Variants in TMEM74 observed in about 807,000 individuals in gnomAD.
TMEM74 encodes transmembrane protein 74.
Under a neutral mutation model 18.1 loss-of-function variants are expected in TMEM74, and 13 were observed. The ratio of observed to expected loss-of-function variants is 0.72; its 90% CI spans 0.47 to 1.14. The LOEUF is 1.14. Ranked by LOEUF, TMEM74 falls within the 50% of genes most tolerant of loss-of-function variation. The probability of loss-of-function intolerance (pLI) is 0.00; values close to 1 mark genes in which losing one functional copy is unlikely to be tolerated. For synonymous variants in TMEM74, 159 were observed against 146.6 expected, an observed-to-expected ratio of 1.08 and a Z score of -0.61; for missense variants, 372 against 375.9, an observed-to-expected ratio of 0.99 and a Z score of 0.09.
chr8:108,623,190 C>T (rs1812460192), intron 2 of TMEM74, among the ~76,000 whole-genome samples: 1 of 152,084 alleles, frequency 6.6e-6, no homozygotes, highest in Non-Finnish European at 1.5e-5. Flanking sequence ...TGTCAAGGCC[C>T]TGTGAGGAGG....
chr8:108,702,343 T>TAAAAAAAAA (rs1242874088), intron 1 of TMEM74, among the ~76,000 whole-genome samples: 1 of 95,096 alleles, frequency 1.1e-5, no homozygotes, highest in Non-Finnish European at 2.0e-5. Context: ...AGACTCCATC[T>TAAAAAAAAA]AAAAAAAAAA....
intron 2 of TMEM74, among the ~76,000 whole-genome samples, chr8:108,615,818 G>GATTTTTT (rs1563732679): frequency 1.0e-5 from 1 of 96,376 alleles, no homozygotes; most frequent in Non-Finnish European, 2.2e-5. Context: ...TTGCATGGGA[G>GATTTTTT]CTTTTTTTTT....
intron 1 of TMEM74, among the ~76,000 whole-genome samples, chr8:108,749,780 G>T (rs1306782351): frequency 1.3e-5 from 2 of 152,106 alleles, no homozygotes; most frequent in South Asian, 4.1e-4. Flanking sequence ...TACATCACAT[G>T]TGCCCATGAT....
intron 1 of TMEM74, among the ~76,000 whole-genome samples, chr8:108,754,663 C>CTAGGTAGCTAGG (rs1225035166): frequency 1.6e-5 from 1 of 63,236 alleles, no homozygotes; most frequent in Non-Finnish European, 3.4e-5. Context: ...AGGTAGGTAG[C>CTAGGTAGCTAGG]TAGGTAGCTA....
chr8:108,737,607 C>T lies in TMEM74; in HGVS notation n.119+49869G>A, dbSNP rs1236179962. On this transcript the variant is annotated intron_variant and non_coding_transcript_variant, in intron 1 of 3. Transcript: ENST00000518838. ...ACAGAAAGACACTAAGTCATACTCA[C>T]CCCTCTGAGACCAGTAGGAACAGTG... is the stretch of plus-strand genomic sequence containing the variant. 2.0e-5 allele frequency among the ~76,000 whole-genome samples: 3 copies of T among 152,124 alleles called. No homozygotes were observed. In the East Asian group the frequency reaches 5.8e-4, roughly 29 times the overall value.
chr8:108,663,335 T>C (rs901081687), intron 1 of TMEM74, among the ~76,000 whole-genome samples: 1 of 152,124 alleles, frequency 6.6e-6, no homozygotes, highest in African/African-American at 2.4e-5. Flanking sequence ...AAGAAGACAT[T>C]CATGCGGTCA....
At chr8:108,757,931 C>T (rs1213158680) in intron 1 of TMEM74, among the ~76,000 whole-genome samples, 1 of 151,974 alleles carries the variant, frequency 6.6e-6, no homozygotes, top group Non-Finnish European at 1.5e-5. Context: ...GGATTGTGTG[C>T]TTTTTCTCCT....
intron 1 of TMEM74, among the ~76,000 whole-genome samples, chr8:108,715,535 T>C (rs1813514837): frequency 6.6e-6 from 1 of 152,066 alleles, no homozygotes; most frequent in Non-Finnish European, 1.5e-5. Context: ...TATAATACAA[T>C]CATTTTATAG....
At position 108,779,511 on chromosome 8, in the gene TMEM74, C is replaced by A. The variant is rs1170642769; in HGVS notation, c.*4670G>T. Among the ~76,000 whole-genome samples the A allele has an allele frequency of 6.6e-6, 1 of 152,042 alleles. No individual in the cohort carries two copies. The highest frequency in any genetic ancestry group is 1.5e-5 in the Non-Finnish European group (1 of 68,006). ...TCCAAATATCTCACACTCTCATGAG[C>A]CTGAAATTGAGAGGTTAAAAAACAA... On this transcript the variant is annotated 3_prime_UTR_variant, in exon 2 of 2. Transcript: ENST00000297459.
At chr8:108,693,970 CT>C (rs1397518074) in intron 1 of TMEM74, among the ~76,000 whole-genome samples, 5 of 152,316 alleles carry the variant, frequency 3.3e-5, no homozygotes, top group African/African-American at 1.2e-4. Context: ...CACATATATT[CT>C]TTCAAAAGGA....
intron 1 of TMEM74, among the ~76,000 whole-genome samples, chr8:108,704,679 A>C (rs192793795): frequency 4.6e-5 from 7 of 152,344 alleles, no homozygotes; most frequent in Admixed American, 2.6e-4. Flanking sequence ...TTATTGGAGA[A>C]GACAGAAAAG....
intron 1 of TMEM74, among the ~76,000 whole-genome samples, chr8:108,738,082 T>A (rs1813765815): frequency 6.6e-6 from 1 of 152,188 alleles, no homozygotes; most frequent in African/African-American, 2.4e-5. Context: ...GCTTATCTTC[T>A]TTTCATTACC....
intron 2 of TMEM74, among the ~76,000 whole-genome samples, chr8:108,633,719 G>A (rs934270177): frequency 1.3e-5 from 2 of 151,958 alleles, no homozygotes; most frequent in African/African-American, 4.8e-5. Flanking sequence ...GAGCATGCTT[G>A]TGGAATTGTC....
chr8:108,707,358 C>T (rs556334405), intron 1 of TMEM74, among the ~76,000 whole-genome samples: 110 of 152,156 alleles, frequency 7.2e-4, no homozygotes, highest in Non-Finnish European at 1.2e-3. Flanking sequence ...TTATCCCCAC[C>T]CTTTCCAAAG....
At chr8:108,624,142 A>T (rs1812470596) in intron 2 of TMEM74, among the ~76,000 whole-genome samples, 1 of 152,126 alleles carries the variant, frequency 6.6e-6, no homozygotes, top group African/African-American at 2.4e-5. Context: ...AAATAAAACA[A>T]ATCAGAATTT....
chr8:108,761,300 A>G (rs1814041062), intron 1 of TMEM74, among the ~76,000 whole-genome samples: 1 of 152,116 alleles, frequency 6.6e-6, no homozygotes, highest in South Asian at 2.1e-4. Context: ...GGTTTCCCCA[A>G]CATATAAATA....
At chr8:108,746,682 G>A (rs1326022096) in intron 1 of TMEM74, among the ~76,000 whole-genome samples, 2 of 152,168 alleles carry the variant, frequency 1.3e-5, no homozygotes, top group Non-Finnish European at 2.9e-5. Flanking sequence ...TGGTTGCCAG[G>A]GGAACAAACC....
At chr8:108,611,908 G>A (rs140153823) in intron 2 of TMEM74, among the ~76,000 whole-genome samples, 54 of 152,298 alleles carry the variant, frequency 3.5e-4, no homozygotes, top group African/African-American at 1.3e-3. Context: ...GTTCTGCATG[G>A]CTTGGAAAGC....
chr8:108,753,092 T>G (rs1279429981), intron 1 of TMEM74, among the ~76,000 whole-genome samples: 1 of 152,132 alleles, frequency 6.6e-6, no homozygotes, highest in East Asian at 1.9e-4. Flanking sequence ...AACAATCTTT[T>G]GAACATTTTG....
Sources: allele counts gnomAD v4.1 joint callset (sites outside exome capture counted in the v4.1 genomes callset), GRCh38; gene constraint gnomAD v4.1.1; transcripts MANE v1.5; gene names NCBI Gene and HGNC (gene_info 2026-07-23, HGNC 2026-07-21).